LRRC8C: variants seen among roughly 807,000 people sequenced by gnomAD.
The protein encoded by LRRC8C is volume-regulated anion channel subunit LRRC8C.
A neutral mutation model predicts 55.3 loss-of-function variants in LRRC8C; 20 were observed. That is an observed-to-expected ratio of 0.36 (90% CI 0.25 to 0.53). The LOEUF (loss-of-function observed/expected upper bound fraction) is 0.53, where lower values mean the gene tolerates loss of function less well. LRRC8C is among the 20% of genes least tolerant of loss of function. The probability of loss-of-function intolerance (pLI) is 0.92; values close to 1 mark genes in which losing one functional copy is unlikely to be tolerated. For synonymous variants in LRRC8C, 376 were observed against 360.7 expected (o/e 1.04, Z -0.48); for missense variants, 659 against 951.4 (o/e 0.69, Z 4.04).
chr1:89,661,538 G>A (rs983162476), intron 1 of LRRC8C, among the ~76,000 whole-genome samples: 4 of 152,138 alleles, frequency 2.6e-5, no homozygotes, highest in Non-Finnish European at 4.4e-5. Flanking sequence ...TCTCCATAGT[G>A]TTTCTTGATA....
Position 89,718,038 on chromosome 1 carries a change from G to A in LRRC8C, c.*3056G>A, listed in dbSNP as rs1339270445. On this transcript the variant is annotated 3_prime_UTR_variant, in exon 3 of 3. Transcript: ENST00000370454. ...GAGAGCATATAAATATATCCCAGTG[G>A]AACTCACCAAAGAAGACCACACCTC... is the stretch of plus-strand genomic sequence containing the variant. The A allele has an allele frequency of 6.6e-6, 1 of 152,122 alleles. No homozygotes were observed. The highest frequency in any genetic ancestry group is 1.5e-5 in the Non-Finnish European group (1 of 68,006). 9.4% of individuals were successfully genotyped at this position (152,122 alleles called of 1,614,324 possible). A position where few individuals can be genotyped will look rare whatever the true frequency, so the allele number is the denominator to read the frequency against.
intron 1 of LRRC8C, among the ~76,000 whole-genome samples, chr1:89,652,654 G>A (rs748155047): frequency 2.0e-5 from 3 of 152,060 alleles, no homozygotes; most frequent in Non-Finnish European, 4.4e-5. Flanking sequence ...AAATAAAAGA[G>A]GACCACACTG....
chr1:89,693,549 T>C (rs1658080757), intron 2 of LRRC8C, among the ~76,000 whole-genome samples: 1 of 151,922 alleles, frequency 6.6e-6, no homozygotes, highest in Non-Finnish European at 1.5e-5. Context: ...TCAGTAATAC[T>C]GATTACATCA....
At chr1:89,664,736 T>A (rs1176995760) in intron 1 of LRRC8C, among the ~76,000 whole-genome samples, 1 of 152,256 alleles carries the variant, frequency 6.6e-6, no homozygotes, top group African/African-American at 2.4e-5. Context: ...CTTTGGGCAG[T>A]ATGGCCATTT....
upstream of LRRC8C, chr1:89,631,790 A>C (rs1656115525): frequency 6.6e-6 from 1 of 152,224 alleles, no homozygotes; most frequent in African/African-American, 2.4e-5. Context: ...TCTGGGAAGG[A>C]CACCCAACAG....
intron 1 of LRRC8C, among the ~76,000 whole-genome samples, chr1:89,636,822 A>T (rs1021508674): frequency 6.6e-6 from 1 of 152,196 alleles, no homozygotes; most frequent in African/African-American, 2.4e-5. Flanking sequence ...TCCTAATGCT[A>T]TTTTAAAATT....
intron 2 of LRRC8C, among the ~76,000 whole-genome samples, chr1:89,698,343 TTTTA>T (rs1416620164): frequency 6.6e-6 from 1 of 152,192 alleles, no homozygotes; most frequent in Non-Finnish European, 1.5e-5. Context: ...ACAGTGTTTG[TTTTA>T]TTTATTCACT....
chr1:89,656,816 T>C (rs1407647825), intron 1 of LRRC8C, among the ~76,000 whole-genome samples: 2 of 152,202 alleles, frequency 1.3e-5, no homozygotes, highest in East Asian at 3.8e-4. Flanking sequence ...GAGAGAAGCC[T>C]AGCTATTTTT....
chr1:89,670,908 T>A (rs1379250840), intron 1 of LRRC8C, among the ~76,000 whole-genome samples: 1 of 152,214 alleles, frequency 6.6e-6, no homozygotes, highest in Non-Finnish European at 1.5e-5. Context: ...AGCTAGTTGG[T>A]ATGCATCTTT....
At chr1:89,712,285 G>A (rs558727205) in intron 2 of LRRC8C, among the ~76,000 whole-genome samples, 18 of 152,214 alleles carry the variant, frequency 1.2e-4, no homozygotes, top group South Asian at 6.2e-4. Context: ...GCTAATTTTC[G>A]TATTTTTAGT....
intron 2 of LRRC8C, among the ~76,000 whole-genome samples, chr1:89,707,853 T>C (rs12127857): frequency 6.6e-6 from 1 of 152,082 alleles, no homozygotes; most frequent in Non-Finnish European, 1.5e-5. Context: ...TTCACTCCAA[T>C]GTAAAGTAGG....
At chr1:89,691,578 T>C (rs1410223139) in intron 2 of LRRC8C, among the ~76,000 whole-genome samples, 1 of 152,238 alleles carries the variant, frequency 6.6e-6, no homozygotes, top group African/African-American at 2.4e-5. Context: ...CTAGAATCTG[T>C]ATGTACTTTA....
intron 1 of LRRC8C, among the ~76,000 whole-genome samples, chr1:89,645,265 A>T (rs1401982482): frequency 1.3e-5 from 2 of 152,210 alleles, no homozygotes; most frequent in Non-Finnish European, 2.9e-5. Flanking sequence ...CAACAATTGG[A>T]GGTAGCAAAG....
At chr1:89,623,619 G>A in the LRRC8C span, among the ~76,000 whole-genome samples, 1 of 152,212 alleles carries the variant, frequency 6.6e-6, no homozygotes, top group Admixed American at 6.5e-5. Context: ...CTACTGGGAA[G>A]GCTGAGGCAA....
At chr1:89,681,204 A>T (rs1378572747) in intron 1 of LRRC8C, among the ~76,000 whole-genome samples, 1 of 133,834 alleles carries the variant, frequency 7.5e-6, no homozygotes, top group East Asian at 1.9e-4. Flanking sequence ...CTTAGAAATG[A>T]CAGCAGCAAT....
chr1:89,652,457 T>C (rs1300162371), intron 1 of LRRC8C, among the ~76,000 whole-genome samples: 1 of 152,162 alleles, frequency 6.6e-6, no homozygotes, highest in Non-Finnish European at 1.5e-5. Flanking sequence ...GTAATCAACC[T>C]TTTCACAAAT....
chr1:89,697,703 T>C (rs900268343), intron 2 of LRRC8C, among the ~76,000 whole-genome samples: 5 of 152,202 alleles, frequency 3.3e-5, no homozygotes, highest in African/African-American at 1.2e-4. Context: ...AATTCACTGG[T>C]CTTTATGGCT....
the LRRC8C span, among the ~76,000 whole-genome samples, chr1:89,616,501 A>G: frequency 5.3e-5 from 8 of 152,344 alleles, no homozygotes; most frequent in East Asian, 1.5e-3. Flanking sequence ...AAGAGATAAC[A>G]TTGAAGAAGG....
intron 1 of LRRC8C, among the ~76,000 whole-genome samples, chr1:89,671,141 G>A (rs747600032): frequency 3.3e-5 from 5 of 151,982 alleles, no homozygotes; most frequent in Non-Finnish European, 7.4e-5. Flanking sequence ...ATAGCTCACT[G>A]CATCCTTAAA....
Sources: gnomAD v4.1 joint callset for allele counts (sites outside exome capture counted in the v4.1 genomes callset) on GRCh38, gnomAD v4.1.1 for gene constraint, MANE v1.5 for transcripts, NCBI Gene and HGNC (gene_info 2026-07-23, HGNC 2026-07-21) for gene names.